CLSTN2: variants seen among roughly 807,000 people sequenced by gnomAD.
The protein encoded by CLSTN2 is calsyntenin-2.
CLSTN2 carries 48 observed loss-of-function variants against 101.2 expected under a neutral mutation model. The ratio of observed to expected loss-of-function variants is 0.47; its 90% CI spans 0.38 to 0.60. The LOEUF (loss-of-function observed/expected upper bound fraction) is 0.60. Among genes scored for constraint, CLSTN2 ranks in the 20% least tolerant of loss-of-function variants. CLSTN2 has a pLI of 0.00. For synonymous variants in CLSTN2, 481 were observed against 463.6 expected, an observed-to-expected ratio of 1.04 and a Z score of -0.48; for missense variants, 1,160 against 1,238.2, an observed-to-expected ratio of 0.94 and a Z score of 0.95.
At chr3:140,287,674 A>C (rs2107900847) in intron 2 of CLSTN2, among the ~76,000 whole-genome samples, 1 of 152,318 alleles carries the variant, frequency 6.6e-6, no homozygotes, top group African/African-American at 2.4e-5. Context: ...ATGTAAATTC[A>C]CATAATTCTC....
chr3:140,190,405 C>G (rs960217950), intron 2 of CLSTN2, among the ~76,000 whole-genome samples: 7 of 112,524 alleles, frequency 6.2e-5, no homozygotes, highest in Non-Finnish European at 1.2e-4. Context: ...TTTACCTTAC[C>G]AAAAGATTTT....
At chr3:140,259,136 T>G (rs1013912780) in intron 2 of CLSTN2, among the ~76,000 whole-genome samples, 9 of 148,612 alleles carry the variant, frequency 6.1e-5, no homozygotes, top group Non-Finnish European at 1.3e-4. Context: ...AATTTTAATT[T>G]TTTTCTTTAA....
At chr3:140,058,844 T>C (rs2107771760) in intron 1 of CLSTN2, among the ~76,000 whole-genome samples, 1 of 149,406 alleles carries the variant, frequency 6.7e-6, no homozygotes, top group Admixed American at 6.6e-5. Flanking sequence ...TAGGTGGGAA[T>C]TGGATGGTGT....
At chr3:140,296,087 T>C (rs2087000015) in intron 2 of CLSTN2, among the ~76,000 whole-genome samples, 1 of 152,204 alleles carries the variant, frequency 6.6e-6, no homozygotes, top group Non-Finnish European at 1.5e-5. Context: ...CTCTTCATGC[T>C]CTTCTCCTGA....
intron 1 of CLSTN2, among the ~76,000 whole-genome samples, chr3:140,160,270 G>A (rs2010024613): frequency 6.6e-6 from 1 of 151,978 alleles, no homozygotes; most frequent in Non-Finnish European, 1.5e-5. Flanking sequence ...CTGACATACA[G>A]AACATTCAAT....
chr3:140,087,165 C>T (rs755526427), intron 1 of CLSTN2, among the ~76,000 whole-genome samples: 19 of 152,096 alleles, frequency 1.2e-4, no homozygotes, highest in Non-Finnish European at 1.3e-4. Context: ...GCTCAGAAAC[C>T]GGTGTCTTGA....
intron 1 of CLSTN2, among the ~76,000 whole-genome samples, chr3:140,122,353 C>G (rs1048763326): frequency 1.3e-5 from 2 of 152,094 alleles, no homozygotes; most frequent in African/African-American, 4.8e-5. Context: ...TGGCAAAATG[C>G]CGTGGATAGA....
At chr3:140,363,832 A>T (rs1439641345) in intron 2 of CLSTN2, among the ~76,000 whole-genome samples, 2 of 152,148 alleles carry the variant, frequency 1.3e-5, no homozygotes, top group African/African-American at 4.8e-5. Context: ...AGGAGGGGGA[A>T]CCTGGGGGCT....
At chr3:139,965,479 CATGG>C (rs1935579133) in intron 1 of CLSTN2, among the ~76,000 whole-genome samples, 2 of 152,130 alleles carry the variant, frequency 1.3e-5, no homozygotes, top group African/African-American at 4.8e-5. Flanking sequence ...GCTCCTGGGC[CATGG>C]TCTCAGGGCC....
intron 8 of CLSTN2, among the ~76,000 whole-genome samples, chr3:140,500,397 C>T (rs779331183): frequency 6.6e-6 from 1 of 152,180 alleles, no homozygotes; most frequent in Non-Finnish European, 1.5e-5. Context: ...GAAGGACAAA[C>T]TTTCTGATAT....
intron 1 of CLSTN2, among the ~76,000 whole-genome samples, chr3:140,092,154 G>T (rs1415814148): frequency 6.6e-6 from 1 of 152,166 alleles, no homozygotes; most frequent in Non-Finnish European, 1.5e-5. Flanking sequence ...TGCATTGTGT[G>T]CCCCCTCAAA....
At chr3:140,563,934 G>T in intron 15 of CLSTN2, 27 bp from the exon 16 acceptor site, 2 of 1,610,258 alleles carry the variant, frequency 1.2e-6, no homozygotes, top group Non-Finnish European at 1.7e-6. Context: ...TGTTCACCAT[G>T]TCATGCGAGT....
intron 2 of CLSTN2, among the ~76,000 whole-genome samples, chr3:140,394,013 G>GA (rs2088151524): frequency 6.6e-6 from 1 of 152,110 alleles, no homozygotes; most frequent in Admixed American, 6.5e-5. Context: ...AGGAGGGCTG[G>GA]GAGTCTGTAA....
intron 1 of CLSTN2, among the ~76,000 whole-genome samples, chr3:140,040,341 G>A (rs971991215): frequency 2.0e-5 from 3 of 152,124 alleles, no homozygotes; most frequent in Admixed American, 1.3e-4. Context: ...CACTCCTGGG[G>A]TGCTAATGTG....
intron 2 of CLSTN2, among the ~76,000 whole-genome samples, chr3:140,259,272 G>A (rs561549997): frequency 8.6e-5 from 13 of 151,558 alleles, no homozygotes; most frequent in South Asian, 2.1e-4. Context: ...TCAGGGGTTC[G>A]AGACCAGCCT....
chr3:140,377,887 A>G (rs1279818802), intron 2 of CLSTN2, among the ~76,000 whole-genome samples: 1 of 152,212 alleles, frequency 6.6e-6, no homozygotes, highest in Non-Finnish European at 1.5e-5. Flanking sequence ...TCACTCACCC[A>G]GAGTAACTTT....
intron 1 of CLSTN2, among the ~76,000 whole-genome samples, chr3:140,152,305 C>T (rs898765967): frequency 6.6e-6 from 1 of 151,968 alleles, no homozygotes; most frequent in Non-Finnish European, 1.5e-5. Flanking sequence ...GACTTTTTCT[C>T]TCCTTTCTCG....
chr3:140,495,416 T>G (rs1265592669), intron 8 of CLSTN2, among the ~76,000 whole-genome samples: 2 of 152,250 alleles, frequency 1.3e-5, no homozygotes, highest in African/African-American at 4.8e-5. Context: ...ATAGGTTGTC[T>G]GTTCACTCTG....
At chr3:140,528,650 A>G (rs926769355) in intron 8 of CLSTN2, among the ~76,000 whole-genome samples, 2 of 152,172 alleles carry the variant, frequency 1.3e-5, no homozygotes, top group Non-Finnish European at 2.9e-5. Flanking sequence ...AAAAAGATGA[A>G]TGAATAGAGG....
Sources: allele counts gnomAD v4.1 joint callset (sites outside exome capture counted in the v4.1 genomes callset), GRCh38; gene constraint gnomAD v4.1.1; transcripts MANE v1.5; gene names NCBI Gene and HGNC (gene_info 2026-07-23, HGNC 2026-07-21).